Variants in SLC12A4 observed in about 807,000 individuals in gnomAD.
The protein encoded by SLC12A4 is solute carrier family 12 member 4, also known as electroneutral potassium-chloride cotransporter 1.
SLC12A4 carries 84 observed loss-of-function variants against 119.2 expected under a neutral mutation model. The ratio of observed to expected loss-of-function variants is 0.70; its 90% CI spans 0.59 to 0.85. The LOEUF (loss-of-function observed/expected upper bound fraction) is 0.85, where lower values mean the gene tolerates loss of function less well. SLC12A4 is among the 40% of genes least tolerant of loss of function. The probability of loss-of-function intolerance (pLI) is 0.00; values close to 1 mark genes in which losing one functional copy is unlikely to be tolerated. For missense variants in SLC12A4, 1,298 were observed against 1,476.3 expected (o/e 0.88, Z 1.98); for synonymous variants, 599 against 604.6 (o/e 0.99, Z 0.14).
At position 67,949,674 on chromosome 16, in the gene SLC12A4, C is replaced by T. The variant is rs2058390801; in HGVS notation, c.1748+126G>A. On this transcript the variant is annotated intron_variant, in intron 13 of 23. Coordinates refer to ENST00000316341, the MANE Select transcript of SLC12A4 (RefSeq NM_005072.5). This position sits in a 1 kb window ranked among gnomAD's most constrained non-coding sequence, Gnocchi z 4.6. ...CAGGGGTGGGCTGAGCCCTGTCAGG[C>T]CACATCTCCCCATGCAGCCTGCCAC... 1.5e-6 allele frequency: 1 copy of T among 654,262 alleles called. No individual in the cohort carries two copies. Among genetic ancestry groups the T allele is most frequent in the Non-Finnish European group, 2.6e-6 (1 of 385,526 alleles). 40.5% of individuals were successfully genotyped at this position (654,262 alleles called of 1,614,324 possible).
At chr16:67,966,753 C>T (rs1335561518) in intron 1 of SLC12A4, 51 of 1,551,348 alleles carry the variant, frequency 3.3e-5, no homozygotes, top group Non-Finnish European at 4.1e-5. Context: ...AATCACTCAC[C>T]GGGGCTCAGG....
At chr16:67,948,670 C>T (rs899967550) in intron 13 of SLC12A4, among the ~76,000 whole-genome samples, 14 of 152,060 alleles carry the variant, frequency 9.2e-5, no homozygotes, top group Non-Finnish European at 5.9e-5. Flanking sequence ...AGGACGGGTG[C>T]GCAGGAAGGC....
chr16:67,966,053 A>T (rs1249418395), intron 1 of SLC12A4, among the ~76,000 whole-genome samples: 2 of 152,230 alleles, frequency 1.3e-5, no homozygotes, highest in Non-Finnish European at 2.9e-5. Flanking sequence ...GCCTCTGGGC[A>T]TTCAGACTGC....
chr16:67,968,574 G>A lies in SLC12A4; in HGVS notation c.-21C>T, dbSNP rs768636338. 40 of 1,501,182 alleles carry A rather than the reference G, an allele frequency of 2.7e-5. No homozygotes were observed. The highest frequency in any genetic ancestry group is 3.1e-5 in the Non-Finnish European group (35 of 1,130,908). The allele number at this position is 1,501,182 out of a possible 1,614,324, so 93.0% of individuals were successfully genotyped here. On this transcript the variant is annotated 5_prime_UTR_variant, in exon 1 of 24. Transcript: ENST00000316341. The stretch of plus-strand genomic sequence containing the variant: ...GGCATCGTGCGGGCTCGGCCCCGCC[G>A]CACCCGCCGTCCCAGCCGCCCGCCG...
In SLC12A4 at chr16:67,950,679, T is replaced by C. The variant is rs1391547304; in HGVS notation, c.1429A>G (p.Ile477Val). 4 of 1,612,472 alleles carry C rather than the reference T, an allele frequency of 2.5e-6. No individual in the cohort carries two copies. Among genetic ancestry groups the C allele is most frequent in the Non-Finnish European group, 3.4e-6 (4 of 1,179,286 alleles). The change falls in exon 11 of 24, where the codon ATT becomes GTT. Residue 477 changes from isoleucine to valine, a missense_variant. By Grantham distance (29) the Ile-to-Val change is conservative. Coordinates refer to ENST00000316341, the MANE Select transcript of SLC12A4 (RefSeq NM_005072.5). This position sits in a 1 kb window ranked among gnomAD's most constrained non-coding sequence, Gnocchi z 4.3. ...FSSVVLFGAC[I>V]EGVVLRDKYG... ...TTGTCCCGGAGAACCACACCCTCAATGCAGGCACCAAAGAGAACCACACTG... is the reference window on the plus strand; with the variant it reads ...TTGTCCCGGAGAACCACACCCTCAACGCAGGCACCAAAGAGAACCACACTG...
intron 1 of SLC12A4, among the ~76,000 whole-genome samples, chr16:67,965,744 C>G (rs988368846): frequency 2.6e-5 from 4 of 152,206 alleles, no homozygotes; most frequent in Admixed American, 2.6e-4. Flanking sequence ...ATCCCTTGTC[C>G]CTTCAGCTAT....
chr16:67,943,995 G>A lies in SLC12A4; in HGVS notation c.*845C>T, dbSNP rs1371480236. 23 of 1,548,550 alleles carry A rather than the reference G, an allele frequency of 1.5e-5. No individual in the cohort carries two copies. The highest frequency in any genetic ancestry group is 2.0e-5 in the Non-Finnish European group (23 of 1,145,872). On this transcript the variant is annotated 3_prime_UTR_variant, in exon 24 of 24. Coordinates refer to ENST00000316341, the MANE Select transcript of SLC12A4 (RefSeq NM_005072.5). The surrounding 1 kb of genome is among the most constrained non-coding windows in gnomAD (Gnocchi z 4.6). ...GTTACTGAGCTCAGCCTTGGGCGTG[G>A]TGTGCGGGGGGAAGAGCACATTGAG...
intron 3 of SLC12A4, among the ~76,000 whole-genome samples, chr16:67,958,896 T>A (rs1338682757): frequency 6.6e-6 from 1 of 152,138 alleles, no homozygotes; most frequent in East Asian, 1.9e-4. Context: ...CCCTCTCACA[T>A]TCCTTTGGCA....
In SLC12A4 at chr16:67,946,916, C is replaced by T. The variant is rs777760722; in HGVS notation, c.2241+21G>A. 2.5e-6 allele frequency: 4 copies of T among 1,609,240 alleles called. No homozygotes were observed. In the African/African-American group the frequency reaches 5.3e-5, roughly 21 times the overall value. The stretch of plus-strand genomic sequence containing the variant: ...CAGACCCCTGTAGTCTGGCTCAGCT[C>T]TCCCTCCCCAAAGCAAGTACCTGCT... On this transcript the variant is annotated intron_variant, in intron 17 of 23. Coordinates refer to ENST00000316341, the MANE Select transcript of SLC12A4 (RefSeq NM_005072.5).
Position 67,945,467 on chromosome 16 carries a change from G to A in SLC12A4, c.2934C>T (p.Asp978=). The change falls in exon 22 of 24, where the codon GAC becomes GAT. Residue 978 remains aspartate (D), a synonymous_variant. Transcript: ENST00000316341. ...CCCTGGTCCACGTCATCTGGATCTTGTCAGCCCCCACTGCAGACTCATCTT... is the reference window on the plus strand; with the variant it reads ...CCCTGGTCCACGTCATCTGGATCTTATCAGCCCCCACTGCAGACTCATCTT... The part of the protein sequence containing the change: ...DEEDESAVGA[D]KIQMTWTRDK... 8 of 1,614,112 alleles carry A rather than the reference G, an allele frequency of 5.0e-6. No individual in the cohort carries two copies. Among genetic ancestry groups the A allele is most frequent in the Non-Finnish European group, 6.8e-6 (8 of 1,180,012 alleles).
intron 13 of SLC12A4, 63 bp from the exon 14 acceptor site, chr16:67,948,222 G>GCTGGGCCTGGCCCAGAAA (rs1431081831): frequency 2.1e-5 from 32 of 1,521,594 alleles, no homozygotes; most frequent in Non-Finnish European, 2.8e-5. Context: ...CTGATGTCAG[G>GCTGGGCCTGGCCCAGAAA]CTGGGCCTGG....
chr16:67,947,304 C>G, intron 16 of SLC12A4, 27 bp downstream of exon 16: 4 of 1,604,714 alleles, frequency 2.5e-6, no homozygotes, highest in Non-Finnish European at 3.4e-6. Context: ...ACCTCTGCGC[C>G]CTGGCCAGGG....
At chr16:67,959,900 C>A (rs1414099210) in intron 3 of SLC12A4, among the ~76,000 whole-genome samples, 1 of 152,202 alleles carries the variant, frequency 6.6e-6, no homozygotes, top group Non-Finnish European at 1.5e-5. Flanking sequence ...CTTCCTTTTC[C>A]GAGGCCCCTG....
At position 67,951,213 on chromosome 16, in the gene SLC12A4, C is replaced by G. The variant is rs765355730; in HGVS notation, c.1224G>C (p.Leu408=). 1.2e-6 allele frequency: 2 copies of G among 1,614,114 alleles called. No individual in the cohort carries two copies. The highest frequency in any genetic ancestry group is 3.3e-5 in the Admixed American group (2 of 60,018). Residue 408 remains leucine, a synonymous_variant, in exon 9 of 24, where the codon CTG becomes CTC. Transcript: ENST00000316341. The surrounding 1 kb of genome is among the most constrained non-coding windows in gnomAD (Gnocchi z 5.2). ...CGATGTCAGCGACCACGTACAGAGG[C>G]AGGCTCTCCTTCAGGCTCGGGGCAT... ...SADAPSLKES[L]PLYVVADIAT...
intron 2 of SLC12A4, 105 bp downstream of exon 2, chr16:67,963,360 A>T (rs2030685346): frequency 1.5e-6 from 1 of 650,912 alleles, no homozygotes; most frequent in Non-Finnish European, 2.6e-6. Flanking sequence ...ACACAAGAGG[A>T]GATGAGAGGA....
At position 67,946,962 on chromosome 16, in the gene SLC12A4, T is replaced by C; in HGVS notation, c.2216A>G (p.Tyr739Cys). ...CTGCTCGGCGGCCTGAGCCTCGCCA[T>C]AGCTCTCCAAGAAGCTCCCCTGGAT... ...SVIQGSFLES[Y>C]GEAQAAEQTI... Residue 739 changes from tyrosine to cysteine, a missense_variant, in exon 17 of 24, where the codon TAT becomes TGT. By Grantham distance (194) the Tyr-to-Cys change is radical (BLOSUM62 -2). Coordinates refer to ENST00000316341, the MANE Select transcript of SLC12A4 (RefSeq NM_005072.5). 3 of 1,613,206 alleles carry C rather than the reference T, an allele frequency of 1.9e-6. No homozygotes were observed. The highest frequency in any genetic ancestry group is 2.5e-6 in the Non-Finnish European group (3 of 1,180,004).
chr16:67,952,945 T>C (rs2030013307), intron 6 of SLC12A4, among the ~76,000 whole-genome samples: 1 of 149,728 alleles, frequency 6.7e-6, no homozygotes. Flanking sequence ...AAATTAGTGG[T>C]GCAAAAACTG....
At chr16:67,960,570 C>A (rs2030507781) in intron 3 of SLC12A4, among the ~76,000 whole-genome samples, 1 of 151,182 alleles carries the variant, frequency 6.6e-6, no homozygotes, top group Non-Finnish European at 1.5e-5. Flanking sequence ...CTTATCCCAG[C>A]CAGGAGCGCC....
chr16:67,952,040 G>GT lies in SLC12A4; in HGVS notation c.918-4dup. 6.2e-7 allele frequency: 1 copy of GT among 1,613,156 alleles called. No homozygotes were observed. The highest frequency in any genetic ancestry group is 8.5e-7 in the Non-Finnish European group (1 of 1,179,442). On this transcript the variant is annotated splice_region_variant and splice_polypyrimidine_tract_variant and intron_variant, in intron 7 of 23. Coordinates refer to ENST00000316341, the MANE Select transcript of SLC12A4 (RefSeq NM_005072.5). ...TCCTGTTGCCCAGCATGCATACCCT[G>GT]TGAGGGACAGAAGCACCGGCACCTG...
Sources: allele counts gnomAD v4.1 joint callset (sites outside exome capture counted in the v4.1 genomes callset), GRCh38; gene constraint gnomAD v4.1.1; non-coding constraint Gnocchi (gnomAD v3.1); transcripts MANE v1.5; gene names NCBI Gene and HGNC (gene_info 2026-07-23, HGNC 2026-07-21).